The following SAMD12 variants were observed in gnomAD, a reference collection of about 807,000 sequenced individuals.
The protein encoded by SAMD12 is sterile alpha motif domain-containing protein 12.
A neutral mutation model predicts 15.0 loss-of-function variants in SAMD12; 9 were observed. The ratio of observed to expected loss-of-function variants is 0.60; its 90% CI spans 0.36 to 1.05. The LOEUF is 1.05. SAMD12 is among the 50% of genes least tolerant of loss of function. The pLI, the probability that SAMD12 is intolerant of heterozygous loss-of-function variation, is 0.01. For missense variants in SAMD12, 230 were observed against 234.2 expected (o/e 0.98, Z 0.12); for synonymous variants, 86 against 90.1 (o/e 0.96, Z 0.25).
intron 4 of SAMD12, among the ~76,000 whole-genome samples, chr8:118,277,380 A>C (rs556197698): frequency 1.4e-4 from 21 of 152,238 alleles, no homozygotes; most frequent in South Asian, 6.2e-4. Flanking sequence ...TTTTATCATC[A>C]TAGTCATCGT....
chr8:118,140,028 C>A, the SAMD12 span, among the ~76,000 whole-genome samples: 1 of 152,170 alleles, frequency 6.6e-6, no homozygotes, highest in South Asian at 2.1e-4. Context: ...AACCAGCAGA[C>A]AGGAGCTGAA....
chr8:118,296,449 T>G (rs1454301949), intron 4 of SAMD12, among the ~76,000 whole-genome samples: 1 of 152,234 alleles, frequency 6.6e-6, no homozygotes, highest in Non-Finnish European at 1.5e-5. Flanking sequence ...TGCTTAGCAC[T>G]TAAGAAAATC....
chr8:118,348,597 C>T (rs185004147), intron 4 of SAMD12, among the ~76,000 whole-genome samples: 3 of 152,180 alleles, frequency 2.0e-5, no homozygotes, highest in Non-Finnish European at 4.4e-5. Context: ...TGGTCTTGAT[C>T]TCCTGACATC....
intron 2 of SAMD12, among the ~76,000 whole-genome samples, chr8:118,495,629 C>T (rs139169418): frequency 6.7e-4 from 101 of 151,492 alleles, no homozygotes; most frequent in African/African-American, 2.4e-3. Flanking sequence ...ATCCCGCTGC[C>T]TGGATGAACT....
At chr8:118,592,716 T>A (rs1190894434) in intron 1 of SAMD12, among the ~76,000 whole-genome samples, 1 of 152,204 alleles carries the variant, frequency 6.6e-6, no homozygotes, top group Non-Finnish European at 1.5e-5. Context: ...TCTAGATCAT[T>A]TGTACATACA....
intron 2 of SAMD12, among the ~76,000 whole-genome samples, chr8:118,490,656 A>G (rs781244719): frequency 2.0e-5 from 3 of 152,106 alleles, no homozygotes; most frequent in African/African-American, 7.2e-5. Context: ...ATGAAGTCCA[A>G]AGGATCTGAT....
chr8:118,187,151 A>C (rs1385583273), downstream of SAMD12, among the ~76,000 whole-genome samples: 1 of 152,210 alleles, frequency 6.6e-6, no homozygotes, highest in Non-Finnish European at 1.5e-5. Context: ...AGGGAACATC[A>C]TCAACTTGTG....
At chr8:118,289,284 A>G (rs1814228536) in intron 4 of SAMD12, among the ~76,000 whole-genome samples, 1 of 152,168 alleles carries the variant, frequency 6.6e-6, no homozygotes. Context: ...AGAGCAATCC[A>G]TCTTAGGGCC....
At chr8:118,518,875 A>T (rs775885558) in intron 2 of SAMD12, among the ~76,000 whole-genome samples, 6 of 152,196 alleles carry the variant, frequency 3.9e-5, no homozygotes, top group Non-Finnish European at 8.8e-5. Context: ...AGCGTCAGGC[A>T]CCAGGGAAGA....
At chr8:118,534,134 C>T (rs995507326) in intron 2 of SAMD12, among the ~76,000 whole-genome samples, 1 of 151,990 alleles carries the variant, frequency 6.6e-6, no homozygotes, top group African/African-American at 2.4e-5. Flanking sequence ...TTAGGGCAGG[C>T]CTGGTGGTGA....
intron 4 of SAMD12, among the ~76,000 whole-genome samples, chr8:118,320,673 G>GGC (rs1554631026): frequency 1.6e-4 from 8 of 50,968 alleles, no homozygotes; most frequent in Non-Finnish European, 3.0e-4. Context: ...GTCGTGGGGT[G>GGC]GGGGGGGTGG....
chr8:118,243,418 A>G (rs1812617098), intron 4 of SAMD12, among the ~76,000 whole-genome samples: 1 of 152,084 alleles, frequency 6.6e-6, no homozygotes, highest in Non-Finnish European at 1.5e-5. Flanking sequence ...AACTCTGTGC[A>G]CCTGAGATGC....
intron 2 of SAMD12, among the ~76,000 whole-genome samples, chr8:118,568,872 G>T (rs183467084): frequency 6.6e-6 from 1 of 152,226 alleles, no homozygotes; most frequent in South Asian, 2.1e-4. Context: ...TCATAAATAC[G>T]CAATAGAACA....
intron 3 of SAMD12, among the ~76,000 whole-genome samples, chr8:118,390,473 C>G (rs1736851297): frequency 6.6e-6 from 1 of 152,162 alleles, no homozygotes; most frequent in South Asian, 2.1e-4. Context: ...CCAACCAAGA[C>G]CAAGTCTGAG....
intron 4 of SAMD12, among the ~76,000 whole-genome samples, chr8:118,272,908 T>C (rs1426786323): frequency 6.6e-6 from 1 of 152,188 alleles, no homozygotes; most frequent in Non-Finnish European, 1.5e-5. Context: ...TCCAAGTGTG[T>C]AGGAAGTTCC....
chr8:118,540,078 A>G (rs1825947725), intron 2 of SAMD12, among the ~76,000 whole-genome samples: 1 of 152,202 alleles, frequency 6.6e-6, no homozygotes, highest in African/African-American at 2.4e-5. Flanking sequence ...TTATAACAAG[A>G]GACCCATAAC....
Position 118,475,617 on chromosome 8 carries a change from G to T in SAMD12, c.193-35656C>A, listed in dbSNP as rs1273937390. 3.3e-5 allele frequency among the ~76,000 whole-genome samples: 5 copies of T among 152,212 alleles called. No homozygotes were observed. The East Asian group carries it at 9.6e-4, about 29-fold the overall frequency. ...CCAGGATTGAAATCCAAGCAGTCTA[G>T]CTCCAGAGTCTGTACTCCGTGGTCT... is the stretch of plus-strand genomic sequence containing the variant. On this transcript the variant is annotated intron_variant, in intron 2 of 3. Coordinates refer to ENST00000314727, the MANE Select transcript of SAMD12 (RefSeq NM_207506.3).
intron 4 of SAMD12, among the ~76,000 whole-genome samples, chr8:118,314,849 A>G (rs1376394839): frequency 6.6e-6 from 1 of 152,214 alleles, no homozygotes; most frequent in Non-Finnish European, 1.5e-5. Context: ...GTCTTCGGCT[A>G]TTACAAATAA....
chr8:118,182,016 CAG>C, the SAMD12 span, among the ~76,000 whole-genome samples: 3 of 152,188 alleles, frequency 2.0e-5, no homozygotes, highest in African/African-American at 7.2e-5. Flanking sequence ...TTGGACCCCA[CAG>C]AATTTTTTTT....
Sources: gnomAD v4.1 joint callset for allele counts (sites outside exome capture counted in the v4.1 genomes callset) on GRCh38, gnomAD v4.1.1 for gene constraint, MANE v1.5 for transcripts, NCBI Gene and HGNC (gene_info 2026-07-23, HGNC 2026-07-21) for gene names.